Variants in MBNL1 observed in about 807,000 individuals in gnomAD.
MBNL1 encodes the protein muscleblind like splicing regulator 1.
A neutral mutation model predicts 42.2 loss-of-function variants in MBNL1; 8 were observed. That is an observed-to-expected ratio of 0.19 (90% CI 0.11 to 0.34). MBNL1 has a LOEUF of 0.34. Among genes scored for constraint, MBNL1 ranks in the 10% least tolerant of loss-of-function variants. The pLI is 1.00. For missense variants in MBNL1, 309 were observed against 495.3 expected (o/e 0.62, Z 3.57); for synonymous variants, 169 against 173.9 (o/e 0.97, Z 0.22).
chr3:152,367,842 A>T (rs1180222010), intron 2 of MBNL1, among the ~76,000 whole-genome samples: 2 of 151,794 alleles, frequency 1.3e-5, no homozygotes, highest in Admixed American at 1.3e-4. Flanking sequence ...GAGAAATGTG[A>T]GTTCATATCC....
chr3:152,310,937 A>G (rs892448593), intron 2 of MBNL1, among the ~76,000 whole-genome samples: 1 of 148,600 alleles, frequency 6.7e-6, no homozygotes, highest in Non-Finnish European at 1.5e-5. Context: ...TGCTTGAAAT[A>G]TAATATATTT....
intron 2 of MBNL1, among the ~76,000 whole-genome samples, chr3:152,402,948 A>G (rs745474157): frequency 1.2e-4 from 18 of 152,178 alleles, no homozygotes; most frequent in African/African-American, 1.2e-4. Flanking sequence ...AACAGTGCCC[A>G]GTATTAGGAG....
At chr3:152,440,694 T>C (rs1302589603) in intron 4 of MBNL1, among the ~76,000 whole-genome samples, 1 of 152,216 alleles carries the variant, frequency 6.6e-6, no homozygotes, top group African/African-American at 2.4e-5. Flanking sequence ...TTGACTACAG[T>C]TACATTTACC....
chr3:152,284,413 A>G (rs1442065971), intron 1 of MBNL1, among the ~76,000 whole-genome samples: 1 of 152,096 alleles, frequency 6.6e-6, no homozygotes, highest in Non-Finnish European at 1.5e-5. Context: ...CCAAAAAGTA[A>G]CCAATATTAA....
chr3:152,418,309 C>T (rs1244962028), intron 3 of MBNL1, among the ~76,000 whole-genome samples: 3 of 152,164 alleles, frequency 2.0e-5, no homozygotes, highest in Non-Finnish European at 4.4e-5. Flanking sequence ...GCTTTTGGCA[C>T]TCATGATGTG....
At chr3:152,258,826 T>C (rs760883657) in intron 2 of MBNL1, among the ~76,000 whole-genome samples, 13 of 152,230 alleles carry the variant, frequency 8.5e-5, no homozygotes, top group Non-Finnish European at 1.3e-4. Flanking sequence ...TAACAATTAA[T>C]TTTGGCTGCC....
In MBNL1 at chr3:152,323,652, T is replaced by C. The variant is rs572076164; in HGVS notation, c.174+23285T>C. ...CAAACGTATACAGCCTGTTATCCTA[T>C]TGAATACTGTAGGCAGTTGTAACAT... On this transcript the variant is annotated intron_variant, in intron 2 of 9. Transcript: ENST00000324210. 9.9e-5 allele frequency among the ~76,000 whole-genome samples: 15 copies of C among 152,154 alleles called. No individual in the cohort carries two copies. In the South Asian group the frequency reaches 2.3e-3, roughly 23 times the overall value.
intron 2 of MBNL1, among the ~76,000 whole-genome samples, chr3:152,389,981 T>C (rs1367301607): frequency 6.6e-6 from 1 of 152,034 alleles, no homozygotes; most frequent in African/African-American, 2.4e-5. Context: ...GTTCAAGAAA[T>C]TCTCCTGCCT....
At chr3:152,384,023 G>A (rs895661675) in intron 2 of MBNL1, among the ~76,000 whole-genome samples, 5 of 152,010 alleles carry the variant, frequency 3.3e-5, no homozygotes, top group Admixed American at 6.6e-5. Context: ...ATGTGTATTC[G>A]TTATTTGGGT....
In MBNL1 at chr3:152,384,041, TAAC is replaced by T. The variant is rs1334808537; in HGVS notation, c.175-30897_175-30895del. ...TGTATTCGTTATTTGGGTAATGAAG[TAAC>T]AAACATTTTAATGTTACTTTTCAAA... On this transcript the variant is annotated intron_variant, in intron 2 of 9. Coordinates refer to ENST00000324210, the MANE Select transcript of MBNL1 (RefSeq NM_021038.5). Among the ~76,000 whole-genome samples, 3 of 152,142 alleles carry T rather than the reference TAAC, an allele frequency of 2.0e-5. No individual in the cohort carries two copies. In the East Asian group the frequency reaches 5.8e-4, roughly 29 times the overall value.
At position 152,356,734 on chromosome 3, in the gene MBNL1, C is replaced by T. The variant is rs551023261; in HGVS notation, c.174+56367C>T. On this transcript the variant is annotated intron_variant, in intron 2 of 9. Transcript: ENST00000324210. The stretch of plus-strand genomic sequence containing the variant: ...CTGCCCAAAGTGAGACCTCGGCCTC[C>T]CAAAGTGCTGGGATTACAGGCGTGA... Among the ~76,000 whole-genome samples, 3 of 152,278 alleles carry T rather than the reference C, an allele frequency of 2.0e-5. No individual in the cohort carries two copies. In the East Asian group the frequency reaches 5.8e-4, roughly 29 times the overall value.
chr3:152,437,386 A>G (rs2099092797), intron 4 of MBNL1, among the ~76,000 whole-genome samples: 1 of 152,234 alleles, frequency 6.6e-6, no homozygotes, highest in South Asian at 2.1e-4. Context: ...TACTACAGAA[A>G]AAAAATGTTA....
chr3:152,294,533 C>T (rs1211702044), intron 1 of MBNL1, among the ~76,000 whole-genome samples: 1 of 152,042 alleles, frequency 6.6e-6, no homozygotes, highest in Non-Finnish European at 1.5e-5. Context: ...ATCTGCCTGC[C>T]TCGGCCTCCC....
At chr3:152,339,419 A>G (rs1354060036) in intron 2 of MBNL1, among the ~76,000 whole-genome samples, 7 of 152,062 alleles carry the variant, frequency 4.6e-5, no homozygotes, top group Non-Finnish European at 8.8e-5. Flanking sequence ...TAACAATACA[A>G]AACACCTCTT....
intron 2 of MBNL1, among the ~76,000 whole-genome samples, chr3:152,401,621 G>T (rs2098223490): frequency 1.3e-5 from 2 of 152,176 alleles, no homozygotes. Flanking sequence ...GCTAGCGGGT[G>T]AGAGAGCTGC....
At chr3:152,343,445 T>C (rs2093692129) in intron 2 of MBNL1, among the ~76,000 whole-genome samples, 1 of 151,882 alleles carries the variant, frequency 6.6e-6, no homozygotes, top group Admixed American at 6.6e-5. Context: ...CACCTTGAGG[T>C]TGAGGATGTG....
intron 1 of MBNL1, among the ~76,000 whole-genome samples, chr3:152,287,560 C>A (rs2053268470): frequency 6.6e-6 from 1 of 152,138 alleles, no homozygotes; most frequent in South Asian, 2.1e-4. Context: ...TTCCTGGTTT[C>A]TATCCTCAGT....
intron 2 of MBNL1, among the ~76,000 whole-genome samples, chr3:152,302,687 C>T (rs550398093): frequency 6.6e-6 from 1 of 152,234 alleles, no homozygotes; most frequent in Non-Finnish European, 1.5e-5. Context: ...ATGAGGTTTC[C>T]ATGCCATTAA....
rs920268527 is a variant in MBNL1 at position 152,271,648 on chromosome 3, G to C, written c.-790+2556G>C. The stretch of plus-strand genomic sequence containing the variant: ...TGCAAAGGCATTAGGGTGGGTAGTA[G>C]ATATGAGAGTCAAAAGAGTGGAGGA... On this transcript the variant is annotated intron_variant, in intron 1 of 9. Transcript: ENST00000324210. Among the ~76,000 whole-genome samples the C allele has an allele frequency of 5.3e-4, 80 of 152,126 alleles. 1 individual carries two copies. Among genetic ancestry groups the C allele is most frequent in the Middle Eastern group, 3.2e-3 (1 of 316 alleles).
Sources: gnomAD v4.1 joint callset for allele counts (sites outside exome capture counted in the v4.1 genomes callset) on GRCh38, gnomAD v4.1.1 for gene constraint, MANE v1.5 for transcripts, NCBI Gene and HGNC (gene_info 2026-07-23, HGNC 2026-07-21) for gene names.